Variants in ARFIP1 observed in about 807,000 individuals in gnomAD.
ARFIP1 encodes ARF interacting protein 1, also known as arfaptin-1.
A neutral mutation model predicts 42.5 loss-of-function variants in ARFIP1; 24 were observed. The ratio of observed to expected loss-of-function variants is 0.57; its 90% CI spans 0.41 to 0.80. The LOEUF (loss-of-function observed/expected upper bound fraction) is 0.80. ARFIP1 is among the 30% of genes least tolerant of loss of function. ARFIP1 has a pLI of 0.00. For synonymous variants in ARFIP1, 141 were observed against 153.7 expected, an observed-to-expected ratio of 0.92 and a Z score of 0.61; for missense variants, 354 against 434.0, an observed-to-expected ratio of 0.82 and a Z score of 1.64.
chr4:152,807,849 C>G (rs1298355837), intron 1 of ARFIP1, among the ~76,000 whole-genome samples: 1 of 152,178 alleles, frequency 6.6e-6, no homozygotes, highest in Non-Finnish European at 1.5e-5. Flanking sequence ...TGACTCCGTA[C>G]TATTCCACCC....
chr4:152,854,853 T>C (rs539714013), intron 2 of ARFIP1, among the ~76,000 whole-genome samples: 33 of 152,226 alleles, frequency 2.2e-4, no homozygotes, highest in Admixed American at 3.9e-4. Flanking sequence ...AGTGGTGGGC[T>C]GAGCATGCCT....
At chr4:152,868,089 TAAC>T (rs1338476469) in intron 3 of ARFIP1, among the ~76,000 whole-genome samples, 4 of 152,338 alleles carry the variant, frequency 2.6e-5, no homozygotes, top group South Asian at 4.1e-4. Flanking sequence ...CTTAAACAGT[TAAC>T]AAGAAGAGTA....
chr4:152,865,665 TTAG>T (rs997365773), intron 3 of ARFIP1, among the ~76,000 whole-genome samples: 17 of 152,282 alleles, frequency 1.1e-4, no homozygotes, highest in African/African-American at 4.1e-4. Flanking sequence ...CGTCAGTGTC[TTAG>T]TAGTCATTCT....
At chr4:152,870,298 T>C (rs1465233295) in intron 3 of ARFIP1, among the ~76,000 whole-genome samples, 3 of 152,260 alleles carry the variant, frequency 2.0e-5, no homozygotes, top group African/African-American at 7.2e-5. Flanking sequence ...TCACATTTCT[T>C]ATAAGAGATA....
Position 152,882,773 on chromosome 4 carries a change from A to G in ARFIP1, c.684A>G (p.Gly228=), listed in dbSNP as rs138956609. 2.0e-5 allele frequency: 32 copies of G among 1,613,372 alleles called. No homozygotes were observed. In the African/African-American group the frequency reaches 3.9e-4, roughly 20 times the overall value. ...CCCAGAAACTGCTGGCTAAAAATGG[A>G]GAGACTCTTCTTGGGGCCATTAATT... ...ADTQKLLAKN[G]ETLLGAINFF... is the part of the protein sequence containing the mutation. Residue 228 remains glycine, a synonymous_variant, in exon 7 of 9, where the codon GGA becomes GGG. Transcript: ENST00000353617.
At chr4:152,881,324 C>G in intron 6 of ARFIP1, 140 bp downstream of exon 6, 1 of 666,852 alleles carries the variant, frequency 1.5e-6, no homozygotes, top group Non-Finnish European at 2.5e-6. Flanking sequence ...TTTCATATCA[C>G]TTTAAGAAGG....
At chr4:152,871,696 A>G (rs796177685) in intron 4 of ARFIP1, among the ~76,000 whole-genome samples, 7 of 152,186 alleles carry the variant, frequency 4.6e-5, no homozygotes, top group African/African-American at 1.4e-4. Flanking sequence ...ACTGAAATGA[A>G]AAATATTTTG....
rs74657597 is a variant in ARFIP1, at chr4:152,898,367, A to G, written c.966+10060A>G. Among the ~76,000 whole-genome samples, 346 of 152,200 alleles carry G rather than the reference A, an allele frequency of 2.3e-3. 1 individual carries two copies. The highest frequency in any genetic ancestry group is 7.9e-3 in the South Asian group (38 of 4,826). On this transcript the variant is annotated intron_variant, in intron 8 of 8. Coordinates refer to ENST00000353617, the MANE Select transcript of ARFIP1 (RefSeq NM_001025595.3). ...TGACCATAATTTCCTTCCATGACTT[A>G]TCTATACTTTGCTGTGTTAGATTAA...
intron 7 of ARFIP1, among the ~76,000 whole-genome samples, chr4:152,883,651 G>A (rs1736029517): frequency 6.6e-6 from 1 of 150,778 alleles, no homozygotes; most frequent in Non-Finnish European, 1.5e-5. Context: ...CAGTTTCCCT[G>A]TCTCATAACT....
chr4:152,817,943 A>G (rs1371252958), intron 1 of ARFIP1, among the ~76,000 whole-genome samples: 1 of 152,252 alleles, frequency 6.6e-6, no homozygotes, highest in Non-Finnish European at 1.5e-5. Flanking sequence ...GCTATTAGAA[A>G]AAAACAGTAA....
chr4:152,815,236 T>C (rs144903668), intron 1 of ARFIP1, among the ~76,000 whole-genome samples: 201 of 152,322 alleles, frequency 1.3e-3, no homozygotes, highest in African/African-American at 4.4e-3. Flanking sequence ...AAATCCATGC[T>C]CATTCATTTG....
chr4:152,815,490 C>G (rs530019202), intron 1 of ARFIP1, among the ~76,000 whole-genome samples: 14 of 152,280 alleles, frequency 9.2e-5, no homozygotes, highest in African/African-American at 3.4e-4. Flanking sequence ...AATCCAGTAA[C>G]CTACTTACCT....
chr4:152,835,652 C>G (rs188365904), intron 2 of ARFIP1, among the ~76,000 whole-genome samples: 2 of 152,350 alleles, frequency 1.3e-5, no homozygotes, highest in Non-Finnish European at 2.9e-5. Context: ...AGTTCCAGAG[C>G]TGCTTCCACA....
At chr4:152,784,674 A>AGTC (rs1033365379) in intron 1 of ARFIP1, among the ~76,000 whole-genome samples, 4 of 152,380 alleles carry the variant, frequency 2.6e-5, no homozygotes, top group Admixed American at 1.3e-4. Context: ...TCGTGACCTC[A>AGTC]GTCACCAGAA....
intron 5 of ARFIP1, among the ~76,000 whole-genome samples, chr4:152,880,743 A>G (rs1045243288): frequency 6.6e-6 from 1 of 152,186 alleles, no homozygotes; most frequent in Non-Finnish European, 1.5e-5. Context: ...GCAGTATATA[A>G]GTTTGCTAGA....
intron 3 of ARFIP1, among the ~76,000 whole-genome samples, chr4:152,865,453 A>G (rs1191310278): frequency 6.6e-6 from 1 of 152,082 alleles, no homozygotes; most frequent in Non-Finnish European, 1.5e-5. Flanking sequence ...TGTATTTTTT[A>G]TTGTACAGTT....
intron 3 of ARFIP1, among the ~76,000 whole-genome samples, chr4:152,864,106 A>AG (rs2149876928): frequency 6.6e-6 from 1 of 152,126 alleles, no homozygotes; most frequent in Admixed American, 6.5e-5. Context: ...GTTATATAGG[A>AG]GGTCTCCAAG....
intron 1 of ARFIP1, among the ~76,000 whole-genome samples, chr4:152,827,903 G>A (rs1225081452): frequency 2.0e-5 from 3 of 152,094 alleles, no homozygotes; most frequent in African/African-American, 7.2e-5. Context: ...TCAAACTCCT[G>A]GGCTGAAGCA....
intron 1 of ARFIP1, among the ~76,000 whole-genome samples, chr4:152,795,356 A>T (rs905666632): frequency 3.3e-5 from 5 of 151,606 alleles, no homozygotes; most frequent in Non-Finnish European, 5.9e-5. Flanking sequence ...CTCATTCTTT[A>T]TTTCCCCCCA....
Sources: allele counts gnomAD v4.1 joint callset (sites outside exome capture counted in the v4.1 genomes callset), GRCh38; gene constraint gnomAD v4.1.1; transcripts MANE v1.5; gene names NCBI Gene and HGNC (gene_info 2026-07-23, HGNC 2026-07-21).